MMP2: variants seen among roughly 807,000 people sequenced by gnomAD.
The protein encoded by MMP2 is matrix metallopeptidase 2, also known as 72 kDa type IV collagenase.
A neutral mutation model predicts 74.8 loss-of-function variants in MMP2; 39 were observed. The ratio of observed to expected loss-of-function variants is 0.52; its 90% confidence interval spans 0.40 to 0.68. MMP2 has a LOEUF of 0.68. Ranked by LOEUF, MMP2 falls within the 30% of genes least tolerant of loss-of-function variation. The pLI, the probability that MMP2 is intolerant of heterozygous loss-of-function variation, is 0.00. For synonymous variants in MMP2, 367 were observed against 339.8 expected (o/e 1.08, Z -0.88); for missense variants, 803 against 878.3 (o/e 0.91, Z 1.08).
At chr16:55,502,450 A>G (rs1962689878) in intron 11 of MMP2, among the ~76,000 whole-genome samples, 1 of 152,208 alleles carries the variant, frequency 6.6e-6, no homozygotes, top group East Asian at 1.9e-4. Context: ...ACACAACCCC[A>G]TTTTACAGCT....
rs1962171131 is a variant in MMP2 at position 55,483,908 on chromosome 16, C to G, written c.381-108C>G. ...GTGCATATACTTGTATGTTCACATA[C>G]ACACACACACTCAAACTTTTTCATA... On this transcript the variant is annotated intron_variant, in intron 2 of 12. Coordinates refer to ENST00000219070, the MANE Select transcript of MMP2 (RefSeq NM_004530.6). 6 of 1,126,850 alleles carry G rather than the reference C, an allele frequency of 5.3e-6. No individual in the cohort carries two copies. The South Asian group carries it at 6.3e-5, about 12-fold the overall frequency. The allele number at this position is 1,126,850 out of a possible 1,614,324, so 69.8% of individuals were successfully genotyped here. A position where few individuals can be genotyped will look rare whatever the true frequency, so the allele number is the denominator to read the frequency against.
At chr16:55,483,596 T>A (rs1962163350) in intron 2 of MMP2, among the ~76,000 whole-genome samples, 2 of 152,316 alleles carry the variant, frequency 1.3e-5, no homozygotes, top group African/African-American at 4.8e-5. Context: ...TGGTTGCTAA[T>A]TGGGCCAAGA....
chr16:55,504,976 G>C (rs1962762108), intron 12 of MMP2, among the ~76,000 whole-genome samples: 1 of 151,642 alleles, frequency 6.6e-6, no homozygotes, highest in Non-Finnish European at 1.5e-5. Context: ...TTTTTGGCGG[G>C]GGGACAAGGT....
At chr16:55,488,845 C>A in intron 6 of MMP2, 129 bp downstream of exon 6, 1 of 959,914 alleles carries the variant, frequency 1.0e-6, no homozygotes, top group Non-Finnish European at 1.6e-6. Context: ...GTGCGAATGA[C>A]ATCCACACCA....
chr16:55,498,487 C>T, intron 11 of MMP2, 39 bp downstream of exon 11: 1 of 1,613,708 alleles, frequency 6.2e-7, no homozygotes, highest in Non-Finnish European at 8.5e-7. Flanking sequence ...GCACAGTTGG[C>T]TGCGAGAGAC....
intron 1 of MMP2, 99 bp from the exon 2 acceptor site, chr16:55,482,810 A>G (rs1014011043): frequency 5.9e-6 from 6 of 1,019,224 alleles, no homozygotes; most frequent in African/African-American, 3.2e-5. Flanking sequence ...TGTCTGGACT[A>G]TGGCACTGGG....
chr16:55,491,781 C>T lies in MMP2; in HGVS notation c.1181-20C>T, dbSNP rs752677586. The T allele has an allele frequency of 1.2e-6, 2 of 1,614,202 alleles. No individual in the cohort carries two copies. Among genetic ancestry groups the T allele is most frequent in the Admixed American group, 3.3e-5 (2 of 60,030 alleles). On this transcript the variant is annotated intron_variant, in intron 7 of 12. Coordinates refer to ENST00000219070, the MANE Select transcript of MMP2 (RefSeq NM_004530.6). Reference sequence around the variant, plus strand: ...CTCTCTTCCTGTCTTTCAACCCTCTCTCCTCCCTGCAACCCTCAGGGTACA... The same window carrying T: ...CTCTCTTCCTGTCTTTCAACCCTCTTTCCTCCCTGCAACCCTCAGGGTACA...
chr16:55,504,818 A>G (rs558178542), intron 12 of MMP2, among the ~76,000 whole-genome samples: 9 of 151,724 alleles, frequency 5.9e-5, no homozygotes, highest in Non-Finnish European at 1.2e-4. Flanking sequence ...ACGCCCGGCT[A>G]ATTTTTTGTA....
intron 11 of MMP2, among the ~76,000 whole-genome samples, chr16:55,501,989 CAGA>C (rs1260462492): frequency 6.6e-6 from 1 of 152,170 alleles, no homozygotes; most frequent in African/African-American, 2.4e-5. Context: ...TCTTAAAAGA[CAGA>C]AGGATTGCTA....
chr16:55,481,990 A>T (rs1410972354), intron 1 of MMP2: 12 of 558,386 alleles, frequency 2.1e-5, no homozygotes, highest in Non-Finnish European at 2.3e-5. Context: ...TTGTCAGAAG[A>T]TCTCCTGGCT....
chr16:55,491,869 C>T lies in MMP2; in HGVS notation c.1249C>T (p.Pro417Ser). The T allele has an allele frequency of 6.2e-7, 1 of 1,614,204 alleles. No homozygotes were observed. Among genetic ancestry groups the T allele is most frequent in the Non-Finnish European group, 8.5e-7 (1 of 1,180,042 alleles). Residue 417 changes from proline (P) to serine (S), a missense_variant, in exon 8 of 13, where the codon CCT becomes TCT. By Grantham distance (74) the Pro-to-Ser change is moderately conservative (BLOSUM62 -1). Transcript: ENST00000219070. ...HAMGLEHSQDPGALMAPIYTY... is the reference protein window; with the variant it reads ...HAMGLEHSQDSGALMAPIYTY... Reference sequence around the variant, plus strand: ...CATGGGGCTGGAGCACTCCCAAGACCCTGGGGCCCTGATGGCACCCATTTA... The same window carrying T: ...CATGGGGCTGGAGCACTCCCAAGACTCTGGGGCCCTGATGGCACCCATTTA...
intron 5 of MMP2, among the ~76,000 whole-genome samples, chr16:55,486,350 T>TGC (rs1428844034): frequency 3.6e-5 from 2 of 55,090 alleles, no homozygotes; most frequent in African/African-American, 1.2e-4. Flanking sequence ...TGTGTGCCTG[T>TGC]GTGTGTGTGT....
intron 9 of MMP2, among the ~76,000 whole-genome samples, chr16:55,495,026 C>G (rs1243782561): frequency 6.6e-6 from 1 of 152,244 alleles, no homozygotes; most frequent in African/African-American, 2.4e-5. Flanking sequence ...TTCCTCTACT[C>G]TAGGCACTGG....
Position 55,485,282 on chromosome 16 carries a change from C to T in MMP2, c.530-17C>T. 1 of 1,614,032 alleles carries T rather than the reference C, an allele frequency of 6.2e-7. No homozygotes were observed. The highest frequency in any genetic ancestry group is 1.1e-5 in the South Asian group (1 of 91,082). On this transcript the variant is annotated splice_polypyrimidine_tract_variant and intron_variant, in intron 3 of 12. Coordinates refer to ENST00000219070, the MANE Select transcript of MMP2 (RefSeq NM_004530.6). Reference sequence around the variant, plus strand: ...TAGGTGGCACAGCTAGACGCTAAGACCCAGTGTGTGTTTCAGAGCATGGCG... The same window carrying T: ...TAGGTGGCACAGCTAGACGCTAAGATCCAGTGTGTGTTTCAGAGCATGGCG...
chr16:55,490,059 G>A (rs1274874062), intron 7 of MMP2, among the ~76,000 whole-genome samples: 2 of 152,084 alleles, frequency 1.3e-5, no homozygotes, highest in African/African-American at 2.4e-5. Flanking sequence ...TCAGACCCTG[G>A]TAGACCAGAT....
intron 1 of MMP2, chr16:55,481,725 C>A: frequency 1.6e-6 from 1 of 644,474 alleles, no homozygotes; most frequent in South Asian, 1.9e-5. Context: ...TGGACTTAGA[C>A]CGCTTGGCTT....
chr16:55,498,460 C>T lies in MMP2; in HGVS notation c.1769+12C>T, dbSNP rs779714777. 6.8e-6 allele frequency: 11 copies of T among 1,614,058 alleles called. No homozygotes were observed. Among genetic ancestry groups the T allele is most frequent in the East Asian group, 4.5e-5 (2 of 44,866 alleles). ...GACAAATTCTGGAGGTAAGGGAGGG[C>T]GGTGGGTAGGACAGCAGCACAGTTG... On this transcript the variant is annotated intron_variant, in intron 11 of 12. Coordinates refer to ENST00000219070, the MANE Select transcript of MMP2 (RefSeq NM_004530.6).
At position 55,481,699 on chromosome 16, in the gene MMP2, C is replaced by T. The variant is rs553046239; in HGVS notation, c.154-1210C>T. The T allele has an allele frequency of 2.7e-5, 16 of 588,314 alleles. No individual in the cohort carries two copies. In the South Asian group the frequency reaches 3.8e-4, roughly 14 times the overall value. The allele number at this position is 588,314 out of a possible 1,614,324, so 36.4% of individuals were successfully genotyped here. On this transcript the variant is annotated intron_variant, in intron 1 of 12. Transcript: ENST00000219070. ...TTGTCCAGAGGCAATGCAGTGGGGGCTTAAGAAGATAACTCTGGACTTAGA... is the reference window on the plus strand; with the variant it reads ...TTGTCCAGAGGCAATGCAGTGGGGGTTTAAGAAGATAACTCTGGACTTAGA...
At chr16:55,500,527 A>G (rs1962644157) in intron 11 of MMP2, among the ~76,000 whole-genome samples, 9 of 149,330 alleles carry the variant, frequency 6.0e-5, no homozygotes, top group Admixed American at 6.0e-4. Context: ...ACACACACAC[A>G]CACACACACA....
Sources: allele counts gnomAD v4.1 joint callset (sites outside exome capture counted in the v4.1 genomes callset), GRCh38; gene constraint gnomAD v4.1.1; transcripts MANE v1.5; gene names NCBI Gene and HGNC (gene_info 2026-07-23, HGNC 2026-07-21).